SORBS2: variants seen among roughly 807,000 people sequenced by gnomAD.
The protein encoded by SORBS2 is sorbin and SH3 domain-containing protein 2.
SORBS2 carries 46 observed loss-of-function variants against 97.7 expected under a neutral mutation model. That is an observed-to-expected ratio of 0.47 (90% confidence interval 0.37 to 0.60). The LOEUF is 0.60. Among genes scored for constraint, SORBS2 ranks in the 20% least tolerant of loss-of-function variants. The pLI is 0.00. For synonymous variants in SORBS2, 476 were observed against 473.4 expected (o/e 1.01, Z -0.07); for missense variants, 1,316 against 1,282.3 (o/e 1.03, Z -0.40).
intron 1 of SORBS2, among the ~76,000 whole-genome samples, chr4:185,850,096 T>C (rs189834882): frequency 7.9e-5 from 12 of 152,346 alleles, no homozygotes; most frequent in Admixed American, 5.9e-4. Context: ...CGAAGCTCTT[T>C]CATGGCACAA....
intron 1 of SORBS2, among the ~76,000 whole-genome samples, chr4:185,956,045 TC>T (rs1313498801): frequency 6.6e-6 from 1 of 152,134 alleles, no homozygotes; most frequent in Non-Finnish European, 1.5e-5. Flanking sequence ...TAGTAGCTTC[TC>T]CCCCAGAGGT....
intron 13 of SORBS2, chr4:185,593,579 A>G (rs563298511): frequency 4.6e-5 from 15 of 323,198 alleles, no homozygotes; most frequent in Non-Finnish European, 8.4e-5. Context: ...GCTCGCAGTT[A>G]CTCGTTACAC....
intron 1 of SORBS2, among the ~76,000 whole-genome samples, chr4:185,952,412 G>GA (rs2099277640): frequency 6.6e-6 from 1 of 152,238 alleles, no homozygotes; most frequent in African/African-American, 2.4e-5. Context: ...GGGCCAGTAG[G>GA]TAGAGGTCAC....
chr4:185,885,504 T>G (rs2099238940), intron 1 of SORBS2, among the ~76,000 whole-genome samples: 1 of 152,246 alleles, frequency 6.6e-6, no homozygotes, highest in African/African-American at 2.4e-5. Flanking sequence ...ATTCACTTTT[T>G]GAGGTCACCT....
intron 1 of SORBS2, among the ~76,000 whole-genome samples, chr4:185,940,889 G>C (rs2099271633): frequency 6.6e-6 from 1 of 152,126 alleles, no homozygotes. Flanking sequence ...TCAGTCAGGA[G>C]AGACTTTTGC....
At chr4:185,624,350 T>C in exon 7 of SORBS2, 3 of 1,614,182 alleles carry the variant, frequency 1.9e-6, no homozygotes, top group Non-Finnish European at 2.5e-6. Flanking sequence ...TTGCCAGCCG[T>C]TCTTGAAACT....
chr4:185,636,667 G>A (rs1229107206), intron 4 of SORBS2, among the ~76,000 whole-genome samples: 1 of 64,950 alleles, frequency 1.5e-5, no homozygotes, highest in Non-Finnish European at 3.2e-5. Context: ...TTTTTTTTTT[G>A]AGATGGAGTC....
intron 1 of SORBS2, among the ~76,000 whole-genome samples, chr4:185,953,973 T>A (rs1262332347): frequency 6.6e-6 from 1 of 152,246 alleles, no homozygotes; most frequent in Admixed American, 6.5e-5. Context: ...CGTCCTTTCT[T>A]TTGCTTTAAT....
intron 1 of SORBS2, among the ~76,000 whole-genome samples, chr4:185,890,452 A>C (rs2099241902): frequency 6.6e-6 from 1 of 152,194 alleles, no homozygotes; most frequent in Non-Finnish European, 1.5e-5. Flanking sequence ...TGAGTGTCAC[A>C]GTGAGAATCC....
intron 1 of SORBS2, among the ~76,000 whole-genome samples, chr4:185,881,913 G>C (rs1298116027): frequency 6.6e-6 from 1 of 152,110 alleles, no homozygotes; most frequent in Non-Finnish European, 1.5e-5. Context: ...ATTTGAAACA[G>C]AGGTACAAAA....
intron 1 of SORBS2, among the ~76,000 whole-genome samples, chr4:185,954,868 G>A (rs984205192): frequency 6.6e-6 from 1 of 152,298 alleles, no homozygotes; most frequent in South Asian, 2.1e-4. Flanking sequence ...TGAGGCAGGA[G>A]AATTGCTTGA....
intron 2 of SORBS2, among the ~76,000 whole-genome samples, chr4:185,697,813 T>C (rs2098199280): frequency 6.6e-6 from 1 of 152,190 alleles, no homozygotes; most frequent in Admixed American, 6.5e-5. Context: ...CATTTCTATT[T>C]TGAGGAGAAA....
At chr4:185,632,832 C>T (rs998735640) in intron 4 of SORBS2, among the ~76,000 whole-genome samples, 17 of 152,182 alleles carry the variant, frequency 1.1e-4, no homozygotes, top group African/African-American at 3.9e-4. Context: ...CTGGTTTCTA[C>T]ATTCAAAATA....
At chr4:185,819,233 A>G (rs1018887471) in intron 1 of SORBS2, among the ~76,000 whole-genome samples, 17 of 152,202 alleles carry the variant, frequency 1.1e-4, no homozygotes, top group Non-Finnish European at 8.8e-5. Flanking sequence ...CCTCATGATT[A>G]TTAGGACTCT....
chr4:185,871,126 T>A (rs189544852), intron 1 of SORBS2, among the ~76,000 whole-genome samples: 34 of 152,378 alleles, frequency 2.2e-4, no homozygotes, highest in African/African-American at 8.2e-4. Flanking sequence ...AATGTTTATG[T>A]CTCGTCTTTA....
At chr4:185,597,513 A>G (rs967790068) in intron 12 of SORBS2, among the ~76,000 whole-genome samples, 1 of 152,230 alleles carries the variant, frequency 6.6e-6, no homozygotes, top group African/African-American at 2.4e-5. Context: ...AATACGACAA[A>G]TAGGTAAAAA....
At chr4:185,854,477 AG>A (rs2149693315) in intron 1 of SORBS2, among the ~76,000 whole-genome samples, 1 of 152,282 alleles carries the variant, frequency 6.6e-6, no homozygotes, top group South Asian at 2.1e-4. Flanking sequence ...CAAGGAACAC[AG>A]TTGGTGTAAT....
chr4:185,856,026 C>T (rs2099220448), intron 1 of SORBS2, among the ~76,000 whole-genome samples: 2 of 152,194 alleles, frequency 1.3e-5, no homozygotes, highest in South Asian at 4.1e-4. Context: ...TGGATTACAA[C>T]ACTGTTGTAT....
intron 1 of SORBS2, among the ~76,000 whole-genome samples, chr4:185,907,614 C>T (rs895101671): frequency 1.3e-5 from 2 of 151,972 alleles, no homozygotes; most frequent in African/African-American, 4.8e-5. Context: ...ACATATTATC[C>T]TTATGTATAA....
Sources: gnomAD v4.1 joint callset for allele counts (sites outside exome capture counted in the v4.1 genomes callset) on GRCh38, gnomAD v4.1.1 for gene constraint, MANE v1.5 for transcripts, NCBI Gene and HGNC (gene_info 2026-07-23, HGNC 2026-07-21) for gene names.